The following AGTPBP1 variants were observed in gnomAD, a reference collection of about 807,000 sequenced individuals.
The protein encoded by AGTPBP1 is ATP/GTP binding carboxypeptidase 1.
AGTPBP1 carries 70 observed loss-of-function variants against 143.9 expected under a neutral mutation model. The ratio of observed to expected loss-of-function variants is 0.49; its 90% CI spans 0.40 to 0.59. The LOEUF is 0.59. Ranked by LOEUF, AGTPBP1 falls within the 20% of genes least tolerant of loss-of-function variation. The pLI is 0.00. For missense variants in AGTPBP1, 1,229 were observed against 1,464.5 expected (o/e 0.84, Z 2.62); for synonymous variants, 463 against 500.2 (o/e 0.93, Z 0.99).
chr9:85,586,870 C>A lies in AGTPBP1; in HGVS notation c.2994G>T (p.Gly998=). The change falls in exon 22 of 26, where the codon GGG becomes GGT. Residue 998 remains glycine, a synonymous_variant. Coordinates refer to ENST00000357081, the MANE Select transcript of AGTPBP1 (RefSeq NM_001330701.2). ...TCACTGCAGCCAAGTATTGCAACAG[C>A]CCCTTAGCATGGTAAATTGTAGGAT... ...DLHPTIYHAK[G]LLQYLAAVKR... is the part of the protein sequence containing the mutation. The A allele has an allele frequency of 1.9e-6, 3 of 1,613,966 alleles. No homozygotes were observed. Among genetic ancestry groups the A allele is most frequent in the Non-Finnish European group, 2.5e-6 (3 of 1,179,920 alleles).
chr9:85,557,612 CTTAA>C (rs1165484860), intron 25 of AGTPBP1, among the ~76,000 whole-genome samples: 4 of 152,086 alleles, frequency 2.6e-5, no homozygotes, highest in African/African-American at 7.2e-5. Flanking sequence ...TCTTAATTTG[CTTAA>C]TTAAATGGTA....
chr9:85,756,306 C>A, the AGTPBP1 span: 2 of 1,456,054 alleles, frequency 1.4e-6, no homozygotes, highest in Non-Finnish European at 1.8e-6. Context: ...CCACTCCCCA[C>A]TAGGATGGCT....
chr9:85,696,586 T>C (rs1836258546), intron 2 of AGTPBP1, among the ~76,000 whole-genome samples: 1 of 151,932 alleles, frequency 6.6e-6, no homozygotes, highest in Admixed American at 6.6e-5. Context: ...GAGAATTGCT[T>C]GAACCCGGGA....
chr9:85,627,933 T>C (rs976116910), intron 14 of AGTPBP1, among the ~76,000 whole-genome samples: 7 of 152,224 alleles, frequency 4.6e-5, no homozygotes, highest in African/African-American at 1.4e-4. Flanking sequence ...AAGCTATTAG[T>C]AGTTAAGTTT....
chr9:85,570,428 A>T (rs1827386743), intron 25 of AGTPBP1, among the ~76,000 whole-genome samples: 1 of 152,078 alleles, frequency 6.6e-6, no homozygotes, highest in Admixed American at 6.6e-5. Flanking sequence ...TCTTTACCAA[A>T]CCTCATCTAC....
rs537575504 is a variant in AGTPBP1 at position 85,606,270 on chromosome 9, A to T, written c.2336-9821T>A. Among the ~76,000 whole-genome samples the T allele has an allele frequency of 6.6e-5, 10 of 152,190 alleles. No homozygotes were observed. In the South Asian group the frequency reaches 2.1e-3, roughly 32 times the overall value. On this transcript the variant is annotated intron_variant, in intron 17 of 25. Transcript: ENST00000357081. ...GACATAGATATTTCTCAAAAAGAAGATATACAAATGGCCAACAGGCATATG... is the reference window on the plus strand; with the variant it reads ...GACATAGATATTTCTCAAAAAGAAGTTATACAAATGGCCAACAGGCATATG...
At chr9:85,619,168 G>C in intron 16 of AGTPBP1, 37 bp from the exon 17 acceptor site, 1 of 1,610,208 alleles carries the variant, frequency 6.2e-7, no homozygotes, top group Non-Finnish European at 8.5e-7. Flanking sequence ...ATGAAAATTA[G>C]GAAATATCTG....
At chr9:85,675,446 T>C (rs1309566660) in intron 6 of AGTPBP1, among the ~76,000 whole-genome samples, 2 of 152,154 alleles carry the variant, frequency 1.3e-5, no homozygotes, top group Non-Finnish European at 2.9e-5. Context: ...TTAACTAAGA[T>C]TGTAAGTTTC....
intron 8 of AGTPBP1, among the ~76,000 whole-genome samples, 183 bp from the exon 9 acceptor site, chr9:85,661,156 G>C (rs769926908): frequency 2.0e-5 from 3 of 151,732 alleles, no homozygotes; most frequent in Non-Finnish European, 4.4e-5. Context: ...CTTAAAATTG[G>C]ATATGAAAAA....
At chr9:85,567,190 T>C (rs781581729) in intron 25 of AGTPBP1, among the ~76,000 whole-genome samples, 4 of 152,056 alleles carry the variant, frequency 2.6e-5, no homozygotes, top group Non-Finnish European at 5.9e-5. Flanking sequence ...TGAGAAACAG[T>C]GGATGAATTT....
At chr9:85,548,663 T>A (rs1029801834) in intron 25 of AGTPBP1, among the ~76,000 whole-genome samples, 1 of 146,716 alleles carries the variant, frequency 6.8e-6, no homozygotes, top group African/African-American at 2.7e-5. Flanking sequence ...TATTTGGCTT[T>A]GGTTTTTTTT....
chr9:85,678,429 T>C (rs760000863), intron 4 of AGTPBP1, 31 bp from the exon 5 acceptor site: 1 of 1,418,058 alleles, frequency 7.1e-7, no homozygotes, highest in East Asian at 2.5e-5. Context: ...TATTAAAACA[T>C]TGTAAACTTT....
At position 85,607,763 on chromosome 9, in the gene AGTPBP1, A is replaced by G. The variant is rs147851931; in HGVS notation, c.2335+11220T>C. On this transcript the variant is annotated intron_variant, in intron 17 of 25. Transcript: ENST00000357081. ...TAATCATTAATGTACTATAAATCAC[A>G]GATTTGTAAAATGTTGGAGTTGATG... Among the ~76,000 whole-genome samples the G allele has an allele frequency of 7.4e-4, 113 of 152,276 alleles. 1 individual carries two copies. In the East Asian group the frequency reaches 0.019, roughly 26 times the overall value.
chr9:85,648,001 G>A (rs912980149), intron 11 of AGTPBP1, among the ~76,000 whole-genome samples: 3 of 152,106 alleles, frequency 2.0e-5, no homozygotes, highest in Non-Finnish European at 2.9e-5. Context: ...GACAGCATAC[G>A]GGTGGAAGGT....
rs759341958 is a variant in AGTPBP1 at position 85,621,295 on chromosome 9, T to TA, written c.2016-11dup. The stretch of plus-strand genomic sequence containing the variant: ...TTGAGCAATTTTTGTCCTGAAATCA[T>TA]AAAGGTTTAACCAAAATATATTATT... On this transcript the variant is annotated splice_polypyrimidine_tract_variant and intron_variant, in intron 14 of 25. Coordinates refer to ENST00000357081, the MANE Select transcript of AGTPBP1 (RefSeq NM_001330701.2). 2 of 1,401,198 alleles carry TA rather than the reference T, an allele frequency of 1.4e-6. No homozygotes were observed. Among genetic ancestry groups the TA allele is most frequent in the Non-Finnish European group, 1.9e-6 (2 of 1,066,962 alleles). The allele number at this position is 1,401,198 out of a possible 1,614,324, so 86.8% of individuals were successfully genotyped here.
chr9:85,700,043 G>A (rs1836542359), intron 2 of AGTPBP1, among the ~76,000 whole-genome samples: 2 of 152,278 alleles, frequency 1.3e-5, no homozygotes, highest in South Asian at 2.1e-4. Flanking sequence ...ACCTACTTCT[G>A]TATTCAACCT....
At chr9:85,779,818 C>A in the AGTPBP1 span, among the ~76,000 whole-genome samples, 4 of 152,070 alleles carry the variant, frequency 2.6e-5, no homozygotes, top group African/African-American at 9.7e-5. Flanking sequence ...CATGATTGCA[C>A]CACTACACAC....
intron 14 of AGTPBP1, among the ~76,000 whole-genome samples, chr9:85,625,257 T>G (rs1831197107): frequency 6.6e-6 from 1 of 152,258 alleles, no homozygotes; most frequent in African/African-American, 2.4e-5. Context: ...TATTCTCAAC[T>G]GACATTCCCT....
chr9:85,800,807 TTGTG>T, the AGTPBP1 span, among the ~76,000 whole-genome samples: 6,887 of 144,624 alleles, frequency 0.048, 200 homozygotes, highest in African/African-American at 0.09. Flanking sequence ...TTTAGAATGG[TTGTG>T]TGTGTGTGTG....
Sources: gnomAD v4.1 joint callset for allele counts (sites outside exome capture counted in the v4.1 genomes callset) on GRCh38, gnomAD v4.1.1 for gene constraint, MANE v1.5 for transcripts, NCBI Gene and HGNC (gene_info 2026-07-23, HGNC 2026-07-21) for gene names.